Variants in FTO observed in about 807,000 individuals in gnomAD.
The protein encoded by FTO is alpha-ketoglutarate-dependent dioxygenase FTO.
A neutral mutation model predicts 63.9 loss-of-function variants in FTO; 47 were observed. That is an observed-to-expected ratio of 0.74 (90% CI 0.58 to 0.94). The LOEUF (loss-of-function observed/expected upper bound fraction) is 0.94. Ranked by LOEUF, FTO falls within the 40% of genes least tolerant of loss-of-function variation. The probability of loss-of-function intolerance (pLI) is 0.00; values close to 1 mark genes in which losing one functional copy is unlikely to be tolerated. For missense variants in FTO, 562 were observed against 618.1 expected (o/e 0.91, Z 0.96); for synonymous variants, 207 against 224.4 (o/e 0.92, Z 0.69).
At chr16:53,915,867 T>C (rs759533583) in intron 7 of FTO, among the ~76,000 whole-genome samples, 1 of 152,232 alleles carries the variant, frequency 6.6e-6, no homozygotes, top group Non-Finnish European at 1.5e-5. Context: ...ATTGTCTGTC[T>C]GAGATGAGCC....
At chr16:53,939,534 G>A (rs1380014049) in intron 8 of FTO, among the ~76,000 whole-genome samples, 1 of 152,140 alleles carries the variant, frequency 6.6e-6, no homozygotes, top group Non-Finnish European at 1.5e-5. Flanking sequence ...GCACGAGATT[G>A]TGCAACTGTT....
At chr16:53,800,940 T>G (rs1441798349) in intron 1 of FTO, among the ~76,000 whole-genome samples, 1 of 152,136 alleles carries the variant, frequency 6.6e-6, no homozygotes, top group Non-Finnish European at 1.5e-5. Context: ...AAATACAATT[T>G]CACAATGTCT....
intron 1 of FTO, among the ~76,000 whole-genome samples, chr16:53,784,093 A>C (rs893017060): frequency 6.6e-6 from 1 of 152,198 alleles, no homozygotes; most frequent in African/African-American, 2.4e-5. Flanking sequence ...CCCCTGCTTT[A>C]TGGGTGAGTG....
In FTO at chr16:53,962,216, T is replaced by C. The variant is rs541569511; in HGVS notation, c.1364+28107T>C. Among the ~76,000 whole-genome samples the C allele has an allele frequency of 1.2e-4, 19 of 152,214 alleles. 1 individual carries two copies. The highest frequency in any genetic ancestry group is 2.6e-4 in the Non-Finnish European group (18 of 68,038). ...AGCATTCATTTGTATGCTTAGCTTG[T>C]GGTCAGAGCTCGTGGTGAAGGCTCC... On this transcript the variant is annotated intron_variant, in intron 8 of 8. Transcript: ENST00000471389.
chr16:53,730,347 A>G (rs1326064877), intron 1 of FTO, among the ~76,000 whole-genome samples: 1 of 152,170 alleles, frequency 6.6e-6, no homozygotes, highest in East Asian at 1.9e-4. Flanking sequence ...CATGTGATGT[A>G]TCTTTTTTCA....
intron 8 of FTO, among the ~76,000 whole-genome samples, chr16:54,077,507 C>A (rs930785401): frequency 6.6e-6 from 1 of 152,100 alleles, no homozygotes; most frequent in African/African-American, 2.4e-5. Flanking sequence ...CAGTAGTCAT[C>A]CTGAAGCCGC....
At chr16:53,998,362 T>C (rs16952756) in intron 8 of FTO, 13,300 of 152,290 alleles carry the variant, frequency 0.087, 940 homozygotes, top group African/African-American at 0.19. Flanking sequence ...AGTGTCTACT[T>C]GTCATCTTCA....
rs150516029 is a variant in FTO at position 53,867,493 on chromosome 16, A to ATGTGTGTG, written c.896-6265_896-6258dup. On this transcript the variant is annotated intron_variant, in intron 4 of 8. Coordinates refer to ENST00000471389, the MANE Select transcript of FTO (RefSeq NM_001080432.3). Reference sequence around the variant, plus strand: ...ATGTATTCAATTATGTACGCCACATATGTGTGTGTGTGTGTGTGTGTGTGT... The same window carrying ATGTGTGTG: ...ATGTATTCAATTATGTACGCCACATATGTGTGTGTGTGTGTGTGTGTGTGTGTGTGTGT... Among the ~76,000 whole-genome samples, 296 of 140,428 alleles carry ATGTGTGTG rather than the reference A, an allele frequency of 2.1e-3. 1 individual carries two copies. The highest frequency in any genetic ancestry group is 7.5e-3 in the African/African-American group (283 of 37,816). The allele number at this position is 140,428 out of a possible 152,430, so 92.1% of individuals were successfully genotyped here. A position where few individuals can be genotyped will look rare whatever the true frequency, so the allele number is the denominator to read the frequency against.
At chr16:54,001,784 A>G (rs1230503295) in intron 8 of FTO, among the ~76,000 whole-genome samples, 13 of 152,188 alleles carry the variant, frequency 8.5e-5, no homozygotes, top group Admixed American at 3.3e-4. Flanking sequence ...GGGACAGCCT[A>G]TTAGTCCAAT....
At chr16:53,811,092 G>A (rs1176114061) in intron 2 of FTO, among the ~76,000 whole-genome samples, 1 of 152,170 alleles carries the variant, frequency 6.6e-6, no homozygotes, top group African/African-American at 2.4e-5. Flanking sequence ...TGTTTGCCCA[G>A]CCTAGTTCAT....
intron 8 of FTO, among the ~76,000 whole-genome samples, chr16:54,053,256 T>C (rs1478575062): frequency 2.6e-5 from 4 of 152,218 alleles, no homozygotes; most frequent in Non-Finnish European, 2.9e-5. Flanking sequence ...GGGGCTCCTC[T>C]TAACTCACAG....
intron 1 of FTO, among the ~76,000 whole-genome samples, chr16:53,770,939 G>A (rs1296360232): frequency 2.0e-5 from 3 of 152,034 alleles, no homozygotes; most frequent in African/African-American, 7.2e-5. Flanking sequence ...TTATCGTGAT[G>A]GATTTTTGTT....
At chr16:54,023,614 T>TAGCATTCTC (rs1157038823) in intron 8 of FTO, among the ~76,000 whole-genome samples, 1 of 152,226 alleles carries the variant, frequency 6.6e-6, no homozygotes, top group Non-Finnish European at 1.5e-5. Context: ...CGTTCCTTCG[T>TAGCATTCTC]AGCATTCTCG....
At chr16:54,039,363 G>A (rs1049646310) in intron 8 of FTO, 1 of 152,334 alleles carries the variant, frequency 6.6e-6, no homozygotes, top group East Asian at 1.9e-4. Context: ...TAGAGGGGTG[G>A]AAGAAGGAGG....
intron 1 of FTO, among the ~76,000 whole-genome samples, chr16:53,789,647 G>C (rs2077842340): frequency 4.6e-5 from 7 of 151,800 alleles, no homozygotes; most frequent in Admixed American, 4.6e-4. Context: ...TTTTCCCCCA[G>C]CCTTTCTGAA....
intron 4 of FTO, among the ~76,000 whole-genome samples, chr16:53,861,518 GT>G (rs1361777411): frequency 6.6e-6 from 1 of 152,042 alleles, no homozygotes; most frequent in Admixed American, 6.6e-5. Flanking sequence ...AGGTGTTAGT[GT>G]TTTTCTTAAC....
At chr16:54,051,181 G>A (rs945372441) in intron 8 of FTO, among the ~76,000 whole-genome samples, 2 of 152,166 alleles carry the variant, frequency 1.3e-5, no homozygotes, top group Admixed American at 1.3e-4. Flanking sequence ...CCTCCTTCAA[G>A]GGAAAGGGTA....
chr16:53,754,506 C>T (rs2076873675), intron 1 of FTO, among the ~76,000 whole-genome samples: 1 of 152,138 alleles, frequency 6.6e-6, no homozygotes, highest in African/African-American at 2.4e-5. Context: ...GGCACGGTGG[C>T]GGATGCCTAT....
chr16:54,074,942 G>GTGTGTGTA (rs1555506075), intron 8 of FTO, among the ~76,000 whole-genome samples: 6,114 of 148,148 alleles, frequency 0.041, 150 homozygotes, highest in South Asian at 0.11. Context: ...GTGTGTGTGT[G>GTGTGTGTA]TGTGTGTGTG....
Sources: allele counts gnomAD v4.1 joint callset (sites outside exome capture counted in the v4.1 genomes callset), GRCh38; gene constraint gnomAD v4.1.1; transcripts MANE v1.5; gene names NCBI Gene and HGNC (gene_info 2026-07-23, HGNC 2026-07-21).